CWC27: variants seen among roughly 807,000 people sequenced by gnomAD.
CWC27 encodes CWC27 spliceosome associated cyclophilin.
CWC27 carries 47 observed loss-of-function variants against 63.6 expected under a neutral mutation model. That is an observed-to-expected ratio of 0.74 (90% confidence interval 0.58 to 0.94). The LOEUF (loss-of-function observed/expected upper bound fraction) is 0.94, where lower values mean the gene tolerates loss of function less well. Ranked by LOEUF, CWC27 falls within the 40% of genes least tolerant of loss-of-function variation. The pLI is 0.00. For synonymous variants in CWC27, 175 were observed against 179.8 expected (o/e 0.97, Z 0.22); for missense variants, 495 against 554.3 (o/e 0.89, Z 1.07).
intron 13 of CWC27, among the ~76,000 whole-genome samples, chr5:64,980,787 T>A (rs1749319704): frequency 6.6e-6 from 1 of 152,314 alleles, no homozygotes; most frequent in South Asian, 2.1e-4. Context: ...CTGATTATTA[T>A]ATAACTAAAA....
At chr5:64,828,236 T>A (rs1044774381) in intron 10 of CWC27, among the ~76,000 whole-genome samples, 2 of 152,174 alleles carry the variant, frequency 1.3e-5, no homozygotes, top group Non-Finnish European at 2.9e-5. Context: ...TCATTTATAC[T>A]ACCATTGTTT....
At chr5:64,939,528 G>A (rs1189717510) in intron 11 of CWC27, among the ~76,000 whole-genome samples, 2 of 152,202 alleles carry the variant, frequency 1.3e-5, no homozygotes, top group Admixed American at 6.5e-5. Flanking sequence ...GCCAGCTGGA[G>A]CTCTCCTGTA....
At chr5:64,835,380 A>T (rs754848452) in intron 10 of CWC27, among the ~76,000 whole-genome samples, 1 of 151,862 alleles carries the variant, frequency 6.6e-6, no homozygotes, top group African/African-American at 2.4e-5. Flanking sequence ...ATGGATGTCC[A>T]TAAAGCAAAT....
chr5:64,812,318 C>T (rs1744901513), intron 10 of CWC27, among the ~76,000 whole-genome samples: 1 of 152,124 alleles, frequency 6.6e-6, no homozygotes, highest in Non-Finnish European at 1.5e-5. Context: ...GGATGTGCCT[C>T]TCTTCATCTC....
At chr5:64,807,810 T>A (rs1486813264) in intron 10 of CWC27, 10 of 1,534,430 alleles carry the variant, frequency 6.5e-6, no homozygotes, top group Non-Finnish European at 8.7e-6. Flanking sequence ...GAAATGAGAG[T>A]AAATTTCTTC....
chr5:64,869,746 G>C (rs569051767), intron 10 of CWC27, among the ~76,000 whole-genome samples: 1 of 152,132 alleles, frequency 6.6e-6, no homozygotes, highest in Non-Finnish European at 1.5e-5. Flanking sequence ...AAACACAGAT[G>C]ATGACCCCTG....
rs534498430 is a variant in CWC27 at position 64,905,554 on chromosome 5, C to T, written c.1042+20008C>T. Among the ~76,000 whole-genome samples the T allele has an allele frequency of 1.8e-4, 28 of 152,112 alleles. No individual in the cohort carries two copies. In the South Asian group the frequency reaches 4.2e-3, roughly 23 times the overall value. ...ACAAAAGAAATAAAGACTAGTAATGCCCATAATTTATGTAAATTTGAATAA... is the reference window on the plus strand; with the variant it reads ...ACAAAAGAAATAAAGACTAGTAATGTCCATAATTTATGTAAATTTGAATAA... On this transcript the variant is annotated intron_variant, in intron 11 of 13. Coordinates refer to ENST00000381070, the MANE Select transcript of CWC27 (RefSeq NM_005869.4).
intron 10 of CWC27, among the ~76,000 whole-genome samples, chr5:64,826,711 T>G (rs1299043283): frequency 2.0e-5 from 3 of 151,694 alleles, no homozygotes; most frequent in Non-Finnish European, 4.4e-5. Flanking sequence ...TTGTTTTTTT[T>G]TTTTGCTAAT....
At chr5:64,957,448 G>A (rs1284292860) in intron 11 of CWC27, among the ~76,000 whole-genome samples, 1 of 152,082 alleles carries the variant, frequency 6.6e-6, no homozygotes, top group African/African-American at 2.4e-5. Context: ...GTACCTGGGG[G>A]GCAACATCAA....
intron 10 of CWC27, among the ~76,000 whole-genome samples, chr5:64,864,378 A>G (rs1474984399): frequency 1.3e-5 from 2 of 152,178 alleles, no homozygotes; most frequent in African/African-American, 4.8e-5. Flanking sequence ...GCAAGTGAAT[A>G]AGATAAGATC....
chr5:64,880,853 C>CTTTTTTTTTTTTTTTT lies in CWC27; in HGVS notation c.939-4590_939-4589insTTTTTTTTTTTTTTTT, dbSNP rs571051416. On this transcript the variant is annotated intron_variant, in intron 10 of 13. Transcript: ENST00000381070. ...AGAGTTAGTAACAGTTTATAAAAGC[C>CTTTTTTTTTTTTTTTT]ATTTTTTTTTTTTTTTTTTTTACCA... Among the ~76,000 whole-genome samples the CTTTTTTTTTTTTTTTT allele has an allele frequency of 1.0e-4, 14 of 136,080 alleles. 2 individuals are homozygous for CTTTTTTTTTTTTTTTT. Among genetic ancestry groups the CTTTTTTTTTTTTTTTT allele is most frequent in the South Asian group, 2.3e-4 (1 of 4,282 alleles). The allele number at this position is 136,080 out of a possible 152,430, so 89.3% of individuals were successfully genotyped here.
chr5:64,777,646 T>G (rs10071740), intron 2 of CWC27, among the ~76,000 whole-genome samples: 3,708 of 152,204 alleles, frequency 0.024, 58 homozygotes, highest in Non-Finnish European at 0.039. Context: ...CATTTAGGTA[T>G]CTTTTTTCAA....
intron 13 of CWC27, among the ~76,000 whole-genome samples, chr5:65,005,647 T>C (rs1219409923): frequency 6.6e-6 from 1 of 152,174 alleles, no homozygotes; most frequent in Non-Finnish European, 1.5e-5. Flanking sequence ...CCCTCTTCCC[T>C]GGACAACACA....
chr5:64,873,690 C>T (rs1267987707), intron 10 of CWC27, among the ~76,000 whole-genome samples: 3 of 152,002 alleles, frequency 2.0e-5, no homozygotes, highest in Non-Finnish European at 4.4e-5. Flanking sequence ...AATATAGTCC[C>T]ATTTGTCTAT....
At chr5:64,821,322 A>G (rs1431983482) in intron 10 of CWC27, among the ~76,000 whole-genome samples, 2 of 152,142 alleles carry the variant, frequency 1.3e-5, no homozygotes, top group African/African-American at 2.4e-5. Context: ...TGACCGCATG[A>G]GCCACCATGC....
chr5:64,869,526 A>G (rs949855961), intron 10 of CWC27, among the ~76,000 whole-genome samples: 2 of 152,042 alleles, frequency 1.3e-5, no homozygotes, highest in East Asian at 1.9e-4. Flanking sequence ...AGTTAAGTCT[A>G]TGAAGCCTTA....
At chr5:64,790,730 A>G (rs745945130) in intron 7 of CWC27, among the ~76,000 whole-genome samples, 20 of 152,128 alleles carry the variant, frequency 1.3e-4, no homozygotes, top group Non-Finnish European at 2.6e-4. Context: ...TAATCTGTCT[A>G]TGCCCATCAA....
intron 7 of CWC27, among the ~76,000 whole-genome samples, chr5:64,790,996 C>T (rs149157456): frequency 6.6e-6 from 1 of 152,116 alleles, no homozygotes; most frequent in East Asian, 1.9e-4. Flanking sequence ...GCTGTAGAAG[C>T]TGTCTCCTTC....
intron 10 of CWC27, among the ~76,000 whole-genome samples, chr5:64,849,814 C>G (rs1207947476): frequency 6.6e-6 from 1 of 152,288 alleles, no homozygotes; most frequent in Non-Finnish European, 1.5e-5. Context: ...CTCTCTCTCT[C>G]TCCTGTCACC....
Sources: allele counts gnomAD v4.1 joint callset (sites outside exome capture counted in the v4.1 genomes callset), GRCh38; gene constraint gnomAD v4.1.1; transcripts MANE v1.5; gene names NCBI Gene and HGNC (gene_info 2026-07-23, HGNC 2026-07-21).